The following CUBN variants were observed in gnomAD, a reference collection of about 807,000 sequenced individuals.
CUBN encodes the protein cubilin.
Under a neutral mutation model 405.3 loss-of-function variants are expected in CUBN, and 282 were observed. The observed-to-expected ratio is 0.70, with a 90% CI of 0.63 to 0.77. The LOEUF is 0.77. CUBN is among the 30% of genes least tolerant of loss of function. The probability of loss-of-function intolerance (pLI) is 0.00; values close to 1 mark genes in which losing one functional copy is unlikely to be tolerated. For missense variants in CUBN, 4,514 were observed against 4,475.2 expected, an observed-to-expected ratio of 1.01 and a Z score of -0.25; for synonymous variants, 1,684 against 1,617.0, an observed-to-expected ratio of 1.04 and a Z score of -0.99.
At chr10:17,000,393 C>G (rs559147289) in intron 28 of CUBN, among the ~76,000 whole-genome samples, 3 of 152,178 alleles carry the variant, frequency 2.0e-5, no homozygotes, top group Non-Finnish European at 4.4e-5. Flanking sequence ...ATAACATCAG[C>G]TATTTCGAAC....
intron 62 of CUBN, 39 bp from the exon 63 acceptor site, chr10:16,836,421 C>A: frequency 6.3e-7 from 1 of 1,594,486 alleles, no homozygotes; most frequent in South Asian, 1.1e-5. Flanking sequence ...TAGATTTAGT[C>A]TTAGAAGAGA....
intron 31 of CUBN, among the ~76,000 whole-genome samples, chr10:16,962,573 A>C (rs1843262671): frequency 6.6e-6 from 1 of 152,160 alleles, no homozygotes; most frequent in Non-Finnish European, 1.5e-5. Flanking sequence ...TCTAATTAAC[A>C]GAATACAATG....
intron 59 of CUBN, among the ~76,000 whole-genome samples, chr10:16,861,240 C>A (rs1840004126): frequency 6.6e-6 from 1 of 151,774 alleles, no homozygotes; most frequent in Non-Finnish European, 1.5e-5. Flanking sequence ...CCACTCACTG[C>A]AACCTCTGCC....
intron 18 of CUBN, 22 bp downstream of exon 18, chr10:17,071,805 T>G: frequency 6.2e-7 from 1 of 1,608,534 alleles, no homozygotes; most frequent in Non-Finnish European, 8.5e-7. Context: ...ATTAGACATT[T>G]AAAAATTATA....
intron 28 of CUBN, among the ~76,000 whole-genome samples, chr10:16,997,906 C>G (rs969404861): frequency 2.6e-5 from 4 of 152,090 alleles, no homozygotes; most frequent in African/African-American, 9.7e-5. Flanking sequence ...TCCTCAAATT[C>G]ATAAGGACAT....
At chr10:17,060,303 T>C (rs1345241224) in intron 22 of CUBN, among the ~76,000 whole-genome samples, 1 of 152,000 alleles carries the variant, frequency 6.6e-6, no homozygotes, top group Non-Finnish European at 1.5e-5. Context: ...GTATTTTTAG[T>C]AGAAACTGGG....
rs1833355777 is a variant in CUBN, at chr10:16,984,190, A to G, written c.4440T>C (p.Thr1480=). ...TGAATCGAATTGCTAGCTCATTTCC[A>G]GTGCTGGAGACCTGCATGGGGTTCT... is the stretch of plus-strand genomic sequence containing the variant. The part of the protein sequence containing the change: ...SPENPMQVSS[T]GNELAIRFKT... The change falls in exon 30 of 67, where the codon ACT becomes ACC. Residue 1480 remains threonine (T), a synonymous_variant. Transcript: ENST00000377833. 3 of 1,614,122 alleles carry G rather than the reference A, an allele frequency of 1.9e-6. No individual in the cohort carries two copies. Among genetic ancestry groups the G allele is most frequent in the South Asian group, 2.2e-5 (2 of 91,078 alleles).
At chr10:16,926,840 T>TC (rs1842205082) in intron 41 of CUBN, among the ~76,000 whole-genome samples, 2 of 140,782 alleles carry the variant, frequency 1.4e-5, no homozygotes, top group African/African-American at 2.8e-5. Context: ...TCTATCTATC[T>TC]ATCTAGTCTA....
chr10:16,937,606 G>C lies in CUBN; in HGVS notation c.5912C>G (p.Pro1971Arg). The C allele has an allele frequency of 1.2e-6, 2 of 1,613,742 alleles. No homozygotes were observed. Among genetic ancestry groups the C allele is most frequent in the Non-Finnish European group, 1.7e-6 (2 of 1,179,820 alleles). The change falls in exon 39 of 67, where the codon CCT becomes CGT. Residue 1971 changes from proline to arginine, a missense_variant. Pro to Arg is a moderately radical substitution (Grantham distance 103). Around this residue, in one of 5 missense-constraint regions of CUBN, gnomAD observed 1,613 missense variants for 1,542.8 expected, o/e 1.05. Coordinates refer to ENST00000377833, the MANE Select transcript of CUBN (RefSeq NM_001081.4). ...FAVDAPDGVLPTIAPGACGGF... is the reference protein window; with the variant it reads ...FAVDAPDGVLRTIAPGACGGF... ...ACCAAACACACCTGGAGCAATGGTA[G>C]GTAAAACACCATCAGGTGCATCCAC...
At chr10:17,030,397 T>C (rs78823101) in intron 27 of CUBN, among the ~76,000 whole-genome samples, 5,673 of 152,164 alleles carry the variant, frequency 0.037, 213 homozygotes, top group South Asian at 0.21. Context: ...GAGACTATGT[T>C]TATGTTAAAA....
intron 53 of CUBN, 31 bp downstream of exon 53, chr10:16,900,594 G>C: frequency 6.5e-7 from 1 of 1,534,290 alleles, no homozygotes; most frequent in Non-Finnish European, 9.0e-7. Flanking sequence ...TCACTAAAAA[G>C]AAAATCAAAT....
intron 59 of CUBN, among the ~76,000 whole-genome samples, chr10:16,860,743 T>C (rs566460492): frequency 1.7e-4 from 26 of 152,256 alleles, no homozygotes; most frequent in Non-Finnish European, 3.4e-4. Flanking sequence ...AATGGAACAC[T>C]GTGTTATTGA....
chr10:17,077,317 G>A (rs1036192072), intron 17 of CUBN, among the ~76,000 whole-genome samples: 29 of 152,142 alleles, frequency 1.9e-4, no homozygotes, highest in African/African-American at 5.3e-4. Context: ...AAAAAAACGA[G>A]TTTTTGTAAA....
intron 45 of CUBN, among the ~76,000 whole-genome samples, chr10:16,917,351 C>T (rs560119137): frequency 6.6e-6 from 1 of 152,094 alleles, no homozygotes; most frequent in African/African-American, 2.4e-5. Context: ...AAACCCTATA[C>T]AGACATATAG....
chr10:17,019,134 T>C (rs1345438429), intron 28 of CUBN, among the ~76,000 whole-genome samples: 1 of 152,156 alleles, frequency 6.6e-6, no homozygotes, highest in Non-Finnish European at 1.5e-5. Flanking sequence ...GGGACCACAT[T>C]TTGGGAACCA....
chr10:17,021,355 G>C (rs1489314809), intron 27 of CUBN, among the ~76,000 whole-genome samples: 1 of 152,176 alleles, frequency 6.6e-6, no homozygotes, highest in Non-Finnish European at 1.5e-5. Context: ...ACTTGAGAAA[G>C]ATAATGGCAA....
rs1199478716 is a variant in CUBN at position 17,085,652 on chromosome 10, A to G, written c.2055T>C (p.His685=). Residue 685 remains histidine (H), a synonymous_variant, in exon 16 of 67, where the codon CAT becomes CAC. Transcript: ENST00000377833. Reference sequence around the variant, plus strand: ...CTTGGTCACTAATCTGGGAGTCTGAATGGAAGTGAATTCTGGCAAAGGGGC... The same window carrying G: ...CTTGGTCACTAATCTGGGAGTCTGAGTGGAAGTGAATTCTGGCAAAGGGGC... ...TTGPFARIHF[H]SDSQISDQGF... 11 of 1,614,148 alleles carry G rather than the reference A, an allele frequency of 6.8e-6. No homozygotes were observed. Among genetic ancestry groups the G allele is most frequent in the Non-Finnish European group, 9.3e-6 (11 of 1,179,986 alleles).
intron 17 of CUBN, among the ~76,000 whole-genome samples, chr10:17,080,278 G>A (rs963321051): frequency 6.6e-6 from 1 of 152,110 alleles, no homozygotes; most frequent in Non-Finnish European, 1.5e-5. Flanking sequence ...GTTATATTGT[G>A]AAGAGATGTA....
chr10:16,941,268 T>C lies in CUBN; in HGVS notation c.5343-1031A>G, dbSNP rs891041983. Reference sequence around the variant, plus strand: ...GACAAATCAAGGGGAAAACTCATTTTAACAAATGGTGATGCAATAACGGAT... The same window carrying C: ...GACAAATCAAGGGGAAAACTCATTTCAACAAATGGTGATGCAATAACGGAT... On this transcript the variant is annotated intron_variant, in intron 36 of 66. Coordinates refer to ENST00000377833, the MANE Select transcript of CUBN (RefSeq NM_001081.4). Among the ~76,000 whole-genome samples the C allele has an allele frequency of 2.7e-5, 4 of 147,582 alleles. 1 individual carries two copies. Among genetic ancestry groups the C allele is most frequent in the African/African-American group, 2.6e-5 (1 of 37,752 alleles).
Sources: gnomAD v4.1 joint callset for allele counts (sites outside exome capture counted in the v4.1 genomes callset) on GRCh38, gnomAD v4.1.1 for gene constraint, gnomAD v4.1.1 regional missense constraint, MANE v1.5 for transcripts, NCBI Gene and HGNC (gene_info 2026-07-23, HGNC 2026-07-21) for gene names.